PLEKHH2: variants seen among roughly 807,000 people sequenced by gnomAD.
The protein encoded by PLEKHH2 is pleckstrin homology domain-containing family H member 2.
Under a neutral mutation model 187.9 loss-of-function variants are expected in PLEKHH2, and 129 were observed. The ratio of observed to expected loss-of-function variants is 0.69; its 90% CI spans 0.59 to 0.79. The LOEUF (loss-of-function observed/expected upper bound fraction) is 0.79, where lower values mean the gene tolerates loss of function less well. Ranked by LOEUF, PLEKHH2 falls within the 30% of genes least tolerant of loss-of-function variation. The pLI is 0.00. For missense variants in PLEKHH2, 2,076 were observed against 1,751.2 expected (o/e 1.19, Z -3.31); for synonymous variants, 686 against 605.6 (o/e 1.13, Z -1.95).
intron 23 of PLEKHH2, 155 bp downstream of exon 23, chr2:43,744,144 T>C: frequency 7.2e-7 from 1 of 1,389,298 alleles, no homozygotes; most frequent in Non-Finnish European, 9.4e-7. Flanking sequence ...ATGCAGGACT[T>C]TGTTAAACCC....
At chr2:43,762,086 T>C (rs1179571977) in intron 27 of PLEKHH2, among the ~76,000 whole-genome samples, 1 of 152,198 alleles carries the variant, frequency 6.6e-6, no homozygotes, top group East Asian at 1.9e-4. Context: ...CATACATTAA[T>C]ATATGGCAGG....
rs1167078689 is a variant in PLEKHH2 at position 43,702,527 on chromosome 2, C to CTTTTTTTTTTTTTTTTTTTTTTTTTTTT, written c.1651-1432_1651-1431insTTTTTTTTTTTTTTTTTTTTTTTTTTTT. On this transcript the variant is annotated intron_variant, in intron 8 of 29. Transcript: ENST00000282406. ...TTTTATTTGGCAACCCATTCTACTA[C>CTTTTTTTTTTTTTTTTTTTTTTTTTTTT]TTTTTTTTTTTTTTTTTTTTTTCCA... Among the ~76,000 whole-genome samples the CTTTTTTTTTTTTTTTTTTTTTTTTTTTT allele has an allele frequency of 1.4e-4, 8 of 57,416 alleles. 2 individuals carry two copies. Among genetic ancestry groups the CTTTTTTTTTTTTTTTTTTTTTTTTTTTT allele is most frequent in the African/African-American group, 4.8e-4 (5 of 10,476 alleles). 37.7% of individuals were successfully genotyped at this position (57,416 alleles called of 152,430 possible).
Position 43,700,196 on chromosome 2 carries a change from C to A in PLEKHH2, c.1238C>A (p.Pro413Gln). 2 of 1,614,136 alleles carry A rather than the reference C, an allele frequency of 1.2e-6. No homozygotes were observed. The highest frequency in any genetic ancestry group is 1.7e-6 in the Non-Finnish European group (2 of 1,180,016). Residue 413 changes from proline (P) to glutamine (Q), a missense_variant, in exon 8 of 30, where the codon CCA becomes CAA. By Grantham distance (76) the Pro-to-Gln change is moderately conservative. Transcript: ENST00000282406. ...EANTPSPILT[P>Q]ALMPKHPNSL... ...AACACCCCAAGCCCTATTTTGACCC[C>A]AGCTTTAATGCCAAAGCATCCTAAC...
chr2:43,737,330 G>A (rs1308134454), intron 19 of PLEKHH2, among the ~76,000 whole-genome samples: 1 of 152,210 alleles, frequency 6.6e-6, no homozygotes, highest in Non-Finnish European at 1.5e-5. Context: ...AATACAATGG[G>A]TAAGAAAAAG....
At chr2:43,751,817 G>A (rs1051623344) in intron 24 of PLEKHH2, among the ~76,000 whole-genome samples, 4 of 151,528 alleles carry the variant, frequency 2.6e-5, no homozygotes, top group Non-Finnish European at 4.4e-5. Context: ...GGTCATTTTT[G>A]TTCCTCTTCA....
intron 6 of PLEKHH2, among the ~76,000 whole-genome samples, chr2:43,696,288 T>A (rs1292281130): frequency 6.6e-6 from 1 of 152,026 alleles, no homozygotes; most frequent in Non-Finnish European, 1.5e-5. Flanking sequence ...GCCTTGGCAA[T>A]ATAGTGAGAC....
chr2:43,655,291 AC>A (rs2104361706), intron 2 of PLEKHH2, among the ~76,000 whole-genome samples: 1 of 152,168 alleles, frequency 6.6e-6, no homozygotes, highest in Admixed American at 6.5e-5. Flanking sequence ...ATTAAAAACA[AC>A]AAAAAAATAT....
intron 2 of PLEKHH2, among the ~76,000 whole-genome samples, chr2:43,666,329 G>A (rs1346118122): frequency 1.3e-5 from 2 of 151,206 alleles, no homozygotes; most frequent in Admixed American, 6.6e-5. Context: ...GCCCTGCTTC[G>A]GCTCGCGCAC....
At position 43,712,317 on chromosome 2, in the gene PLEKHH2, A is replaced by G. The variant is rs1404415514; in HGVS notation, c.2394A>G (p.Val798=). The G allele has an allele frequency of 5.0e-6, 8 of 1,614,010 alleles. No homozygotes were observed. The South Asian group carries it at 6.6e-5, about 13-fold the overall frequency. ...AAGTGTTACAGAATGTTCTTCGAGT[A>G]CAAGCTGCCAACCCACTTTCCCTGC... ...WIKVLQNVLR[V]QAANPLSLQP... Residue 798 remains valine, a synonymous_variant, in exon 15 of 30, where the codon GTA becomes GTG. Transcript: ENST00000282406.
chr2:43,647,389 C>T lies in PLEKHH2; in HGVS notation c.123+2593C>T, dbSNP rs531417541. Among the ~76,000 whole-genome samples the T allele has an allele frequency of 9.6e-4, 146 of 152,284 alleles. 1 individual carries two copies. Among genetic ancestry groups the T allele is most frequent in the African/African-American group, 3.4e-3 (141 of 41,562 alleles). On this transcript the variant is annotated intron_variant, in intron 2 of 29. Transcript: ENST00000282406. ...GTGAGTAGTGGAGCCAAGATTCAAACCCAGGCATTCTGTCTTTTTAAGCCT... is the reference window on the plus strand; with the variant it reads ...GTGAGTAGTGGAGCCAAGATTCAAATCCAGGCATTCTGTCTTTTTAAGCCT...
chr2:43,648,603 C>CG (rs1666306251), intron 2 of PLEKHH2, among the ~76,000 whole-genome samples: 2 of 96,750 alleles, frequency 2.1e-5, no homozygotes. Context: ...GTGTGTGTGA[C>CG]GGGGTCCCAC....
At position 43,682,858 on chromosome 2, in the gene PLEKHH2, G is replaced by C. The variant is rs561651421; in HGVS notation, c.186+3933G>C. The stretch of plus-strand genomic sequence containing the variant: ...TTTAGTGTCTGGCTTCTTTCATTTA[G>C]CAGAATGTTTTTGATATTTATCCAC... On this transcript the variant is annotated intron_variant, in intron 3 of 29. Transcript: ENST00000282406. Among the ~76,000 whole-genome samples, 169 of 151,920 alleles carry C rather than the reference G, an allele frequency of 1.1e-3. 1 individual carries two copies. The highest frequency in any genetic ancestry group is 3.9e-3 in the African/African-American group (163 of 41,404).
chr2:43,649,827 C>CTGCT (rs1268801635), intron 2 of PLEKHH2, among the ~76,000 whole-genome samples: 1 of 152,192 alleles, frequency 6.6e-6, no homozygotes, highest in Non-Finnish European at 1.5e-5. Flanking sequence ...TGGCAGGGAA[C>CTGCT]TGCTGTCCAC....
At chr2:43,650,069 C>G (rs778333561) in intron 2 of PLEKHH2, among the ~76,000 whole-genome samples, 9 of 151,510 alleles carry the variant, frequency 5.9e-5, no homozygotes, top group Non-Finnish European at 1.0e-4. Context: ...ACATAATTGG[C>G]CTGTTCATAA....
At position 43,678,931 on chromosome 2, in the gene PLEKHH2, G is replaced by T; in HGVS notation, c.186+6G>T. On this transcript the variant is annotated splice_donor_region_variant and intron_variant, in intron 3 of 29. Transcript: ENST00000282406. ...CAGAAAAAGCTTTTCAACAGGTAGA[G>T]TATAATTTTACTTTAAATTTTTTTT... is the stretch of plus-strand genomic sequence containing the variant. 1.3e-6 allele frequency: 2 copies of T among 1,599,616 alleles called. No homozygotes were observed. Among genetic ancestry groups the T allele is most frequent in the Non-Finnish European group, 1.7e-6 (2 of 1,170,502 alleles).
At chr2:43,650,371 G>T (rs1275308448) in intron 2 of PLEKHH2, among the ~76,000 whole-genome samples, 2 of 151,762 alleles carry the variant, frequency 1.3e-5, no homozygotes, top group African/African-American at 4.8e-5. Flanking sequence ...AACCTTAACT[G>T]ATCTGCCCAC....
At chr2:43,710,806 A>T (rs111923496) in intron 14 of PLEKHH2, 3 of 1,307,122 alleles carry the variant, frequency 2.3e-6, no homozygotes, top group Non-Finnish European at 9.7e-7. Context: ...TTCTTCCTTT[A>T]TACTCTTCTT....
At chr2:43,645,766 T>C (rs1666154046) in intron 2 of PLEKHH2, among the ~76,000 whole-genome samples, 1 of 152,148 alleles carries the variant, frequency 6.6e-6, no homozygotes, top group African/African-American at 2.4e-5. Flanking sequence ...CTGTGGCTCA[T>C]ATTATATTTC....
intron 1 of PLEKHH2, among the ~76,000 whole-genome samples, chr2:43,637,908 A>G (rs912853327): frequency 2.0e-5 from 3 of 152,238 alleles, no homozygotes; most frequent in African/African-American, 7.2e-5. Flanking sequence ...CCCGGAAACC[A>G]CTGTCCCCGA....
Sources: gnomAD v4.1 joint callset for allele counts (sites outside exome capture counted in the v4.1 genomes callset) on GRCh38, gnomAD v4.1.1 for gene constraint, MANE v1.5 for transcripts, NCBI Gene and HGNC (gene_info 2026-07-23, HGNC 2026-07-21) for gene names.